Variants in ELOVL5 observed in about 807,000 individuals in gnomAD.
ELOVL5 encodes ELOVL fatty acid elongase 5.
In ELOVL5, 8 loss-of-function variants were observed where a neutral mutation model predicts 38.6. The observed-to-expected ratio is 0.21, with a 90% CI of 0.12 to 0.37. The LOEUF (loss-of-function observed/expected upper bound fraction) is 0.37. Ranked by LOEUF, ELOVL5 falls within the 10% of genes least tolerant of loss-of-function variation. The pLI is 1.00. For missense variants in ELOVL5, 280 were observed against 367.8 expected, an observed-to-expected ratio of 0.76 and a Z score of 1.95; for synonymous variants, 127 against 133.7, an observed-to-expected ratio of 0.95 and a Z score of 0.34.
At chr6:53,275,355 G>A in intron 4 of ELOVL5, 94 bp from the exon 5 acceptor site, 1 of 1,357,404 alleles carries the variant, frequency 7.4e-7, no homozygotes, top group Non-Finnish European at 1.0e-6. Flanking sequence ...AAAATCTGAT[G>A]TCAACTCGGA....
At chr6:53,287,148 A>T (rs1739642563) in intron 3 of ELOVL5, among the ~76,000 whole-genome samples, 1 of 152,134 alleles carries the variant, frequency 6.6e-6, no homozygotes, top group South Asian at 2.1e-4. Flanking sequence ...AAAATTACAA[A>T]TTTTTTTCTT....
rs1186388285 is a variant in ELOVL5 at position 53,278,327 on chromosome 6, A to C, written c.247-2071T>G. On this transcript the variant is annotated intron_variant, in intron 3 of 7. Transcript: ENST00000304434. Reference sequence around the variant, plus strand: ...ATCTTGGCAGGGGTGGGGAAAATCAAGGTAGCTCTCTGGAGAAGAGGAGGA... The same window carrying C: ...ATCTTGGCAGGGGTGGGGAAAATCACGGTAGCTCTCTGGAGAAGAGGAGGA... Among the ~76,000 whole-genome samples the C allele has an allele frequency of 2.6e-5, 4 of 152,258 alleles. No individual in the cohort carries two copies. In the East Asian group the frequency reaches 5.8e-4, roughly 22 times the overall value.
At chr6:53,288,589 T>G (rs913644423) in intron 3 of ELOVL5, among the ~76,000 whole-genome samples, 1 of 152,212 alleles carries the variant, frequency 6.6e-6, no homozygotes, top group Non-Finnish European at 1.5e-5. Flanking sequence ...AAGTAATACC[T>G]CTTCTCTCCT....
intron 1 of ELOVL5, among the ~76,000 whole-genome samples, chr6:53,301,430 G>A (rs950078914): frequency 6.6e-5 from 10 of 152,190 alleles, no homozygotes; most frequent in Admixed American, 1.3e-4. Flanking sequence ...TCTTTGATCT[G>A]GCTGGTTCCC....
At chr6:53,296,655 T>C (rs1368016505) in intron 1 of ELOVL5, among the ~76,000 whole-genome samples, 1 of 152,186 alleles carries the variant, frequency 6.6e-6, no homozygotes, top group Non-Finnish European at 1.5e-5. Flanking sequence ...CATCTTGAGA[T>C]ACCAGTTAAA....
At chr6:53,332,836 CTT>C (rs1282830331) in intron 1 of ELOVL5, among the ~76,000 whole-genome samples, 1 of 152,184 alleles carries the variant, frequency 6.6e-6, no homozygotes, top group East Asian at 1.9e-4. Context: ...TCTTCAAAAA[CTT>C]TACAAAAACA....
rs758266945 is a variant in ELOVL5 at position 53,289,441 on chromosome 6, G to A, written c.246+2335C>T. Among the ~76,000 whole-genome samples, 8 of 152,242 alleles carry A rather than the reference G, an allele frequency of 5.3e-5. No homozygotes were observed. In the South Asian group the frequency reaches 6.2e-4, roughly 12 times the overall value. ...GCTAAGTATAAAAAGAAAAATGGCC[G>A]GGTGCGGTGGCTCACGCCTGTAATC... On this transcript the variant is annotated intron_variant, in intron 3 of 7. Coordinates refer to ENST00000304434, the MANE Select transcript of ELOVL5 (RefSeq NM_021814.5).
At chr6:53,340,498 C>T (rs1170583258) in intron 1 of ELOVL5, among the ~76,000 whole-genome samples, 1 of 152,172 alleles carries the variant, frequency 6.6e-6, no homozygotes, top group Non-Finnish European at 1.5e-5. Flanking sequence ...CACTGACTTA[C>T]CCAGAGCAAC....
intron 6 of ELOVL5, among the ~76,000 whole-genome samples, chr6:53,271,261 C>A (rs1765907619): frequency 6.6e-6 from 1 of 152,190 alleles, no homozygotes; most frequent in Non-Finnish European, 1.5e-5. Context: ...TTAAAAAGGG[C>A]TAGGCTCAGG....
chr6:53,327,108 C>T (rs1768581172), intron 1 of ELOVL5, among the ~76,000 whole-genome samples: 1 of 152,158 alleles, frequency 6.6e-6, no homozygotes, highest in Non-Finnish European at 1.5e-5. Flanking sequence ...ATATTCTGCT[C>T]CCTCTTCTGA....
intron 1 of ELOVL5, among the ~76,000 whole-genome samples, chr6:53,306,361 A>G (rs180702089): frequency 8.8e-4 from 2 of 2,262 alleles, no homozygotes; most frequent in East Asian, 0.01. Flanking sequence ...GAGGGGAGAG[A>G]GAGAGGGGAG....
At position 53,267,664 on chromosome 6, in the gene ELOVL5, A is replaced by T. The variant is rs1462179024; in HGVS notation, c.*1463T>A. 1 of 152,672 alleles carries T rather than the reference A, an allele frequency of 6.5e-6. No homozygotes were observed. The highest frequency in any genetic ancestry group is 2.4e-5 in the African/African-American group (1 of 41,462). The allele number at this position is 152,672 out of a possible 1,614,324, so 9.5% of individuals were successfully genotyped here. A position where few individuals can be genotyped will look rare whatever the true frequency, so the allele number is the denominator to read the frequency against. On this transcript the variant is annotated 3_prime_UTR_variant, in exon 8 of 8. Coordinates refer to ENST00000304434, the MANE Select transcript of ELOVL5 (RefSeq NM_021814.5). ...CCCACAAGACTAATAGAGAACCAAT[A>T]GGCTCCCTATAGTACGAATGTGCAA...
chr6:53,269,460 T>C (rs1236939076), intron 7 of ELOVL5, among the ~76,000 whole-genome samples, 190 bp from the exon 8 acceptor site: 4 of 152,220 alleles, frequency 2.6e-5, no homozygotes, highest in Non-Finnish European at 5.9e-5. Context: ...CTTTTTTTTT[T>C]TGAGGCTTAG....
At chr6:53,313,749 T>G (rs1448149445) in intron 1 of ELOVL5, among the ~76,000 whole-genome samples, 1 of 150,934 alleles carries the variant, frequency 6.6e-6, no homozygotes, top group Non-Finnish European at 1.5e-5. Flanking sequence ...ACAAAAAAAC[T>G]GTGCTTTCTT....
intron 1 of ELOVL5, among the ~76,000 whole-genome samples, chr6:53,341,666 C>T (rs1222980113): frequency 6.6e-6 from 1 of 152,196 alleles, no homozygotes; most frequent in Non-Finnish European, 1.5e-5. Flanking sequence ...GCTTTGTTCT[C>T]TTTAAAATTT....
chr6:53,338,326 G>A (rs1769172911), intron 1 of ELOVL5, among the ~76,000 whole-genome samples: 1 of 152,134 alleles, frequency 6.6e-6, no homozygotes, highest in African/African-American at 2.4e-5. Flanking sequence ...GGGTCACACT[G>A]AGCCTATTCT....
chr6:53,322,311 C>A (rs1768332231), intron 1 of ELOVL5, among the ~76,000 whole-genome samples: 1 of 152,132 alleles, frequency 6.6e-6, no homozygotes, highest in Admixed American at 6.6e-5. Flanking sequence ...GAAGACTCTT[C>A]CAGTTGTTTT....
At chr6:53,346,442 G>GAAT (rs1769545839) in intron 1 of ELOVL5, among the ~76,000 whole-genome samples, 1 of 152,060 alleles carries the variant, frequency 6.6e-6, no homozygotes, top group Admixed American at 6.5e-5. Flanking sequence ...TCACAGAGGT[G>GAAT]TTATAAGAAT....
intron 1 of ELOVL5, among the ~76,000 whole-genome samples, chr6:53,297,013 G>T (rs938443324): frequency 5.9e-5 from 9 of 152,202 alleles, no homozygotes; most frequent in African/African-American, 1.9e-4. Flanking sequence ...GAGATGGGAC[G>T]TAGAGATAGG....
Sources: gnomAD v4.1 joint callset for allele counts (sites outside exome capture counted in the v4.1 genomes callset) on GRCh38, gnomAD v4.1.1 for gene constraint, MANE v1.5 for transcripts, NCBI Gene and HGNC (gene_info 2026-07-23, HGNC 2026-07-21) for gene names.